ARG2: variants seen among roughly 807,000 people sequenced by gnomAD.
ARG2 encodes arginase 2, also known as arginase-2, mitochondrial.
Under a neutral mutation model 39.4 loss-of-function variants are expected in ARG2, and 21 were observed. The observed-to-expected ratio is 0.53, with a 90% CI of 0.38 to 0.77. The LOEUF is 0.77. Among genes scored for constraint, ARG2 ranks in the 30% least tolerant of loss-of-function variants. ARG2 has a pLI of 0.00. For synonymous variants in ARG2, 150 were observed against 156.7 expected, an observed-to-expected ratio of 0.96 and a Z score of 0.32; for missense variants, 378 against 426.2, an observed-to-expected ratio of 0.89 and a Z score of 1.00.
At chr14:67,648,418 A>G (rs956457836) in intron 7 of ARG2, 5 of 365,538 alleles carry the variant, frequency 1.4e-5, no homozygotes, top group Non-Finnish European at 2.0e-5. Context: ...AAAAAATTGT[A>G]TATTTAAACA....
chr14:67,648,828 C>A (rs909723375), intron 7 of ARG2: 7 of 152,178 alleles, frequency 4.6e-5, no homozygotes, highest in African/African-American at 1.7e-4. Flanking sequence ...CTTCAAATGA[C>A]CTTTCATTCC....
In ARG2 at chr14:67,650,978, G is replaced by A. The variant is rs1239862035; in HGVS notation, c.*58G>A. The A allele has an allele frequency of 3.3e-6, 5 of 1,507,894 alleles. No homozygotes were observed. Among genetic ancestry groups the A allele is most frequent in the South Asian group, 2.3e-5 (2 of 87,230 alleles). 93.4% of individuals were successfully genotyped at this position (1,507,894 alleles called of 1,614,324 possible). On this transcript the variant is annotated 3_prime_UTR_variant, in exon 8 of 8. Transcript: ENST00000261783. ...GCATTCCAGAATTATGAGGCATTGA[G>A]GGGATAGATGAATACTAAATGGTTG...
intron 3 of ARG2, among the ~76,000 whole-genome samples, chr14:67,645,018 G>A (rs12882897): frequency 0.11 from 16,472 of 146,758 alleles, 1,301 homozygotes; most frequent in South Asian, 0.34. Context: ...AAAAAAAATT[G>A]AATGCCATGC....
chr14:67,639,014 A>G (rs2037002372), intron 2 of ARG2, among the ~76,000 whole-genome samples: 1 of 151,936 alleles, frequency 6.6e-6, no homozygotes, highest in African/African-American at 2.4e-5. Context: ...CAGGTTGGGA[A>G]TTAATCTGAT....
chr14:67,620,459 C>G (rs972542965), intron 1 of ARG2, among the ~76,000 whole-genome samples: 3 of 152,000 alleles, frequency 2.0e-5, no homozygotes, highest in African/African-American at 7.3e-5. Context: ...AGTGGAGAAT[C>G]GATGGAGGAG....
intron 4 of ARG2, among the ~76,000 whole-genome samples, chr14:67,646,012 G>A (rs761101186): frequency 3.9e-5 from 6 of 152,158 alleles, no homozygotes; most frequent in African/African-American, 1.2e-4. Flanking sequence ...AAGCAAGGAG[G>A]GGGTAGTAAC....
intron 2 of ARG2, among the ~76,000 whole-genome samples, chr14:67,634,568 T>C (rs919728169): frequency 6.8e-6 from 1 of 146,298 alleles, no homozygotes; most frequent in African/African-American, 2.5e-5. Flanking sequence ...CACTCCATCT[T>C]GGGCAACAGA....
intron 3 of ARG2, 83 bp from the exon 4 acceptor site, chr14:67,645,560 A>G (rs1040726231): frequency 4.7e-6 from 7 of 1,486,930 alleles, no homozygotes; most frequent in African/African-American, 2.8e-5. Context: ...TGGAGAGAGT[A>G]TAAGTTGTTT....
chr14:67,645,634 T>C lies in ARG2; in HGVS notation c.363-9T>C, dbSNP rs751440215. ...AGAGGGCCTTCAAGATTATACTTGT[T>C]CTTTGCAGCCTGGCAATCGGTACCA... is the stretch of plus-strand genomic sequence containing the variant. On this transcript the variant is annotated splice_polypyrimidine_tract_variant and intron_variant, in intron 3 of 7. Coordinates refer to ENST00000261783, the MANE Select transcript of ARG2 (RefSeq NM_001172.4). 6 of 1,611,674 alleles carry C rather than the reference T, an allele frequency of 3.7e-6. No individual in the cohort carries two copies. The highest frequency in any genetic ancestry group is 5.1e-6 in the Non-Finnish European group (6 of 1,179,064).
At chr14:67,633,764 A>G (rs769881635) in intron 2 of ARG2, among the ~76,000 whole-genome samples, 63 of 152,082 alleles carry the variant, frequency 4.1e-4, no homozygotes, top group Non-Finnish European at 7.2e-4. Flanking sequence ...CTCTAGGTGC[A>G]CTCTGGGTTC....
intron 2 of ARG2, among the ~76,000 whole-genome samples, chr14:67,632,084 C>T (rs886847172): frequency 2.0e-5 from 3 of 152,026 alleles, no homozygotes; most frequent in African/African-American, 7.2e-5. Context: ...TGAGGTCTCA[C>T]TATGCTGCCC....
Position 67,651,501 on chromosome 14 carries a change from G to A in ARG2, c.*581G>A. 6.2e-7 allele frequency: 1 copy of A among 1,612,370 alleles called. No individual in the cohort carries two copies. The highest frequency in any genetic ancestry group is 1.3e-5 in the African/African-American group (1 of 74,994). On this transcript the variant is annotated 3_prime_UTR_variant, in exon 8 of 8. Transcript: ENST00000261783. The stretch of plus-strand genomic sequence containing the variant: ...GTCACTCTACAAAGAGAAGCAAAGT[G>A]GGGAGTAGTCAGAAGTTTGGATAAC...
intron 2 of ARG2, among the ~76,000 whole-genome samples, chr14:67,635,757 G>A (rs2036965248): frequency 6.6e-6 from 1 of 152,114 alleles, no homozygotes; most frequent in Admixed American, 6.5e-5. Context: ...GGAAGCTGAG[G>A]CAGGAGAATT....
chr14:67,632,147 A>G (rs898796736), intron 2 of ARG2, among the ~76,000 whole-genome samples: 1 of 152,184 alleles, frequency 6.6e-6, no homozygotes, highest in African/African-American at 2.4e-5. Context: ...TCAGCCTCTC[A>G]AAGTGTTGGG....
chr14:67,630,797 C>T (rs1218088774), intron 2 of ARG2, among the ~76,000 whole-genome samples: 3 of 152,096 alleles, frequency 2.0e-5, no homozygotes, highest in Admixed American at 6.5e-5. Flanking sequence ...CCAGGCTGGT[C>T]TGGTCTGGAA....
chr14:67,639,911 C>T (rs2037012136), intron 2 of ARG2, among the ~76,000 whole-genome samples: 1 of 113,390 alleles, frequency 8.8e-6, no homozygotes, highest in Non-Finnish European at 1.6e-5. Context: ...CATGATAGCG[C>T]AAGACCCTGT....
At chr14:67,633,461 G>A (rs527723492) in intron 2 of ARG2, among the ~76,000 whole-genome samples, 3 of 152,158 alleles carry the variant, frequency 2.0e-5, no homozygotes, top group South Asian at 4.1e-4. Flanking sequence ...GTCTCCATGT[G>A]CTTTCAACAG....
intron 2 of ARG2, among the ~76,000 whole-genome samples, chr14:67,637,729 ATAGTT>A (rs1255302855): frequency 1.3e-5 from 2 of 152,212 alleles, no homozygotes; most frequent in Non-Finnish European, 2.9e-5. Flanking sequence ...ATTAACTAGA[ATAGTT>A]TAACATAAAT....
chr14:67,635,632 T>C (rs929763145), intron 2 of ARG2, among the ~76,000 whole-genome samples: 2 of 152,198 alleles, frequency 1.3e-5, no homozygotes, highest in Non-Finnish European at 2.9e-5. Flanking sequence ...GGTGGGTGGA[T>C]CACCTGAGGT....
Sources: gnomAD v4.1 joint callset for allele counts (sites outside exome capture counted in the v4.1 genomes callset) on GRCh38, gnomAD v4.1.1 for gene constraint, MANE v1.5 for transcripts, NCBI Gene and HGNC (gene_info 2026-07-23, HGNC 2026-07-21) for gene names.